PSMC1: variants seen among roughly 807,000 people sequenced by gnomAD.
PSMC1 encodes proteasome 26S subunit, ATPase 1.
A neutral mutation model predicts 49.8 loss-of-function variants in PSMC1; 5 were observed. The observed-to-expected ratio is 0.10, with a 90% CI of 0.05 to 0.21. The LOEUF is 0.21. PSMC1 is among the 10% of genes least tolerant of loss of function. The pLI is 1.00. For missense variants in PSMC1, 181 were observed against 535.7 expected (o/e 0.34, Z 6.54); for synonymous variants, 155 against 192.1 (o/e 0.81, Z 1.60).
At chr14:90,263,639 T>C in intron 4 of PSMC1, 23 bp from the exon 5 acceptor site, 1 of 1,610,392 alleles carries the variant, frequency 6.2e-7, no homozygotes, top group Non-Finnish European at 8.5e-7. Context: ...TCTGCTTTTT[T>C]CCCTTGGCAT....
In PSMC1 at chr14:90,272,246, T is replaced by G. The variant is rs1414987665; in HGVS notation, c.1189-27T>G. On this transcript the variant is annotated intron_variant, in intron 10 of 10. Transcript: ENST00000261303. The surrounding 1 kb of genome is among the most constrained non-coding windows in gnomAD (Gnocchi z 4.5). The stretch of plus-strand genomic sequence containing the variant: ...TTAGAATAAAAATGAGTATGTCACT[T>G]TCTGAACACACTCTTCTTTCTTACA... The G allele has an allele frequency of 1.9e-6, 3 of 1,600,260 alleles. No individual in the cohort carries two copies. The highest frequency in any genetic ancestry group is 2.3e-5 in the South Asian group (2 of 88,360).
chr14:90,263,023 G>C (rs1032307599), intron 3 of PSMC1, among the ~76,000 whole-genome samples: 2 of 152,140 alleles, frequency 1.3e-5, no homozygotes, highest in Non-Finnish European at 2.9e-5. Context: ...ACCAGACCCA[G>C]GTATCTGATG....
rs1891696506 is a variant in PSMC1 at position 90,272,520 on chromosome 14, A to G, written c.*113A>G. On this transcript the variant is annotated 3_prime_UTR_variant, in exon 11 of 11. Coordinates refer to ENST00000261303, the MANE Select transcript of PSMC1 (RefSeq NM_002802.3). This position sits in a 1 kb window ranked among gnomAD's most constrained non-coding sequence, Gnocchi z 4.5. ...CTGTTCCCACTGATTTTTATTAGCA[A>G]AACATCCTGTGTCTTTTGGAGTACG... is the stretch of plus-strand genomic sequence containing the variant. 1.5e-6 allele frequency: 1 copy of G among 676,224 alleles called. No homozygotes were observed. The highest frequency in any genetic ancestry group is 2.5e-6 in the Non-Finnish European group (1 of 401,380). The allele number at this position is 676,224 out of a possible 1,614,324, so 41.9% of individuals were successfully genotyped here.
At chr14:90,270,373 G>A in intron 10 of PSMC1, 21 bp downstream of exon 10, 2 of 1,603,794 alleles carry the variant, frequency 1.2e-6, no homozygotes, top group Non-Finnish European at 8.5e-7. Flanking sequence ...AGCCGTGTCA[G>A]CTTATTTCTG....
At chr14:90,266,805 C>T (rs1891528529) in intron 7 of PSMC1, among the ~76,000 whole-genome samples, 1 of 152,236 alleles carries the variant, frequency 6.6e-6, no homozygotes, top group Admixed American at 6.5e-5. Context: ...TGTTCACCTT[C>T]CCTCATTGAT....
chr14:90,259,103 T>C (rs1891348408), intron 1 of PSMC1, 57 bp from the exon 2 acceptor site: 2 of 1,552,670 alleles, frequency 1.3e-6, no homozygotes, highest in East Asian at 4.5e-5. Flanking sequence ...TATAAAGTTA[T>C]TCTTTTGAAG....
chr14:90,259,958 A>AT (rs1435731416), intron 2 of PSMC1, among the ~76,000 whole-genome samples, 157 bp from the exon 3 acceptor site: 1 of 152,220 alleles, frequency 6.6e-6, no homozygotes, highest in Non-Finnish European at 1.5e-5. Context: ...ACTTATTAAA[A>AT]TTGCAGGAAT....
chr14:90,272,259 C>G lies in PSMC1; in HGVS notation c.1189-14C>G, dbSNP rs1041592128. On this transcript the variant is annotated splice_polypyrimidine_tract_variant and intron_variant, in intron 10 of 10. Coordinates refer to ENST00000261303, the MANE Select transcript of PSMC1 (RefSeq NM_002802.3). The surrounding 1 kb of genome is among the most constrained non-coding windows in gnomAD (Gnocchi z 4.5). ...GAGTATGTCACTTTCTGAACACACTCTTCTTTCTTACAGGCAATCTGTACA... is the reference window on the plus strand; with the variant it reads ...GAGTATGTCACTTTCTGAACACACTGTTCTTTCTTACAGGCAATCTGTACA... The G allele has an allele frequency of 1.9e-6, 3 of 1,601,546 alleles. No individual in the cohort carries two copies. The highest frequency in any genetic ancestry group is 1.8e-5 in the Admixed American group (1 of 56,110).
chr14:90,269,644 G>A (rs2139651292), intron 9 of PSMC1, 96 bp downstream of exon 9: 2 of 1,333,438 alleles, frequency 1.5e-6, no homozygotes, highest in Non-Finnish European at 2.1e-6. Flanking sequence ...ACATAAAAAA[G>A]CAAATACTGC....
Position 90,265,135 on chromosome 14 carries a change from G to A in PSMC1, c.660G>A (p.Lys220=), listed in dbSNP as rs774563144. 1.8e-5 allele frequency: 29 copies of A among 1,612,932 alleles called. No individual in the cohort carries two copies. In the East Asian group the frequency reaches 4.5e-4, roughly 25 times the overall value. The change falls in exon 7 of 11, where the codon AAG becomes AAA. Residue 220 remains lysine, a synonymous_variant. Coordinates refer to ENST00000261303, the MANE Select transcript of PSMC1 (RefSeq NM_002802.3). ...AAGAGATGGGTATAAAGCCTCCTAA[G>A]GGGGTCATTCTCTATGGTCCACCTG... is the stretch of plus-strand genomic sequence containing the variant. The part of the protein sequence containing the change: ...YYEEMGIKPP[K]GVILYGPPGT...
chr14:90,269,387 T>TG lies in PSMC1; in HGVS notation c.882-10_882-9insG, dbSNP rs1236482308. 6 of 1,597,342 alleles carry TG rather than the reference T, an allele frequency of 3.8e-6. No individual in the cohort carries two copies. In the South Asian group the frequency reaches 6.8e-5, roughly 18 times the overall value. On this transcript the variant is annotated splice_polypyrimidine_tract_variant and intron_variant, in intron 8 of 10. Coordinates refer to ENST00000261303, the MANE Select transcript of PSMC1 (RefSeq NM_002802.3). ...GAGTCTTCATTCCTTCCCTTTTTTT[T>TG]TTTCCAAAGATATGACTCCAATTCT... is the stretch of plus-strand genomic sequence containing the variant.
rs1891684464 is a variant in PSMC1 at position 90,272,113 on chromosome 14, T to G, written c.1189-160T>G. ...TTCACCGTGTTGGCCAGGCTGGTCT[T>G]GAACTCCTGACCTTAGGCGATCCAC... On this transcript the variant is annotated intron_variant, in intron 10 of 10. Coordinates refer to ENST00000261303, the MANE Select transcript of PSMC1 (RefSeq NM_002802.3). This position sits in a 1 kb window ranked among gnomAD's most constrained non-coding sequence, Gnocchi z 4.5. 1.6e-6 allele frequency: 1 copy of G among 623,390 alleles called. No homozygotes were observed. The highest frequency in any genetic ancestry group is 1.9e-5 in the African/African-American group (1 of 51,466). The allele number at this position is 623,390 out of a possible 1,614,324, so 38.6% of individuals were successfully genotyped here.
Position 90,264,181 on chromosome 14 carries a change from T to G in PSMC1, c.594+12T>G, listed in dbSNP as rs1891459833. ...TTCAGGAAATTAAGGTATGATTGAT[T>G]GGTAACCATCTCTGGGTTTCAGTTT... On this transcript the variant is annotated intron_variant, in intron 6 of 10. Coordinates refer to ENST00000261303, the MANE Select transcript of PSMC1 (RefSeq NM_002802.3). 4 of 1,612,262 alleles carry G rather than the reference T, an allele frequency of 2.5e-6. No homozygotes were observed. Among genetic ancestry groups the G allele is most frequent in the South Asian group, 1.1e-5 (1 of 90,846 alleles).
intron 10 of PSMC1, chr14:90,270,774 G>A (rs1199967475): frequency 2.6e-5 from 4 of 155,066 alleles, no homozygotes; most frequent in African/African-American, 9.6e-5. Context: ...TATACTTCTT[G>A]GTTTTATGAC....
chr14:90,275,155 T>C lies in PSMC1; in HGVS notation c.*2748T>C, dbSNP rs190093397. ...AGAACACTTCAAAAGTATCCACGTCTTGGAAGTCAAAAAGCTTCCAATCAG... is the reference window on the plus strand; with the variant it reads ...AGAACACTTCAAAAGTATCCACGTCCTGGAAGTCAAAAAGCTTCCAATCAG... On this transcript the variant is annotated 3_prime_UTR_variant, in exon 11 of 11. Coordinates refer to ENST00000261303, the MANE Select transcript of PSMC1 (RefSeq NM_002802.3). 1 of 152,286 alleles carries C rather than the reference T, an allele frequency of 6.6e-6. No homozygotes were observed. The highest frequency in any genetic ancestry group is 6.5e-5 in the Admixed American group (1 of 15,294). 9.4% of individuals were successfully genotyped at this position (152,286 alleles called of 1,614,324 possible). A position where few individuals can be genotyped will look rare whatever the true frequency, so the allele number is the denominator to read the frequency against.
chr14:90,275,410 A>T lies in PSMC1; in HGVS notation c.*3003A>T, dbSNP rs956865877. The T allele has an allele frequency of 3.9e-5, 6 of 152,008 alleles. No individual in the cohort carries two copies. The highest frequency in any genetic ancestry group is 8.8e-5 in the Non-Finnish European group (6 of 67,998). The allele number at this position is 152,008 out of a possible 1,614,324, so 9.4% of individuals were successfully genotyped here. On this transcript the variant is annotated 3_prime_UTR_variant, in exon 11 of 11. Coordinates refer to ENST00000261303, the MANE Select transcript of PSMC1 (RefSeq NM_002802.3). ...TGCATCTTTTCCTAAGTTTGAGATT[A>T]AAAAAAACAAAAAACCCCAGCACAT...
rs1566678310 is a variant in PSMC1, at chr14:90,275,207, G to C, written c.*2800G>C. ...AGGAGACCAAAGAGATGACAACCAA[G>C]TGCAGCTCCTGCTCCTGAACTGGAT... On this transcript the variant is annotated 3_prime_UTR_variant, in exon 11 of 11. Coordinates refer to ENST00000261303, the MANE Select transcript of PSMC1 (RefSeq NM_002802.3). The C allele has an allele frequency of 6.6e-6, 1 of 152,148 alleles. No individual in the cohort carries two copies. 9.4% of individuals were successfully genotyped at this position (152,148 alleles called of 1,614,324 possible). A position where few individuals can be genotyped will look rare whatever the true frequency, so the allele number is the denominator to read the frequency against.
rs1891718286 is a variant in PSMC1 at position 90,273,389 on chromosome 14, C to CTT, written c.*984_*985dup. 1 of 151,884 alleles carries CTT rather than the reference C, an allele frequency of 6.6e-6. No individual in the cohort carries two copies. The highest frequency in any genetic ancestry group is 2.1e-4 in the South Asian group (1 of 4,790). The allele number at this position is 151,884 out of a possible 1,614,324, so 9.4% of individuals were successfully genotyped here. ...CCTGGCCAACATGGTGAAACCCCAT[C>CTT]TTTACTAAAAATACAAAAATTAGCT... On this transcript the variant is annotated 3_prime_UTR_variant, in exon 11 of 11. Coordinates refer to ENST00000261303, the MANE Select transcript of PSMC1 (RefSeq NM_002802.3).
In PSMC1 at chr14:90,275,131, G is replaced by A. The variant is rs563832559; in HGVS notation, c.*2724G>A. 3.5e-4 allele frequency: 53 copies of A among 152,280 alleles called. No individual in the cohort carries two copies. The highest frequency in any genetic ancestry group is 1.3e-3 in the African/African-American group (52 of 41,538). 9.4% of individuals were successfully genotyped at this position (152,280 alleles called of 1,614,324 possible). On this transcript the variant is annotated 3_prime_UTR_variant, in exon 11 of 11. Coordinates refer to ENST00000261303, the MANE Select transcript of PSMC1 (RefSeq NM_002802.3). Reference sequence around the variant, plus strand: ...AACTGAGGAACATTCTACAAATTCAGAACACTTCAAAAGTATCCACGTCTT... The same window carrying A: ...AACTGAGGAACATTCTACAAATTCAAAACACTTCAAAAGTATCCACGTCTT...
Sources: allele counts gnomAD v4.1 joint callset (sites outside exome capture counted in the v4.1 genomes callset), GRCh38; gene constraint gnomAD v4.1.1; non-coding constraint Gnocchi (gnomAD v3.1); transcripts MANE v1.5; gene names NCBI Gene and HGNC (gene_info 2026-07-23, HGNC 2026-07-21).